WWOX: variants seen among roughly 807,000 people sequenced by gnomAD.
WWOX encodes WW domain-containing oxidoreductase.
WWOX carries 69 observed loss-of-function variants against 46.2 expected under a neutral mutation model. The observed-to-expected ratio is 1.49, with a 90% CI of 1.23 to 1.82. The LOEUF (loss-of-function observed/expected upper bound fraction) is 1.82. Ranked by LOEUF, WWOX falls within the 40% of genes most tolerant of loss-of-function variation. The pLI, the probability that WWOX is intolerant of heterozygous loss-of-function variation, is 0.00. For synonymous variants in WWOX, 359 were observed against 202.6 expected, an observed-to-expected ratio of 1.77 and a Z score of -6.56; for missense variants, 919 against 542.6, an observed-to-expected ratio of 1.69 and a Z score of -6.89.
chr16:78,424,974 T>A lies in WWOX; in HGVS notation c.710T>A (p.Phe237Tyr), dbSNP rs1694802131. 6.2e-7 allele frequency: 1 copy of A among 1,614,054 alleles called. No homozygotes were observed. The highest frequency in any genetic ancestry group is 1.7e-5 in the Admixed American group (1 of 60,000). Residue 237 changes from phenylalanine to tyrosine, a missense_variant, in exon 7 of 9, where the codon TTC (phenylalanine) becomes TAC (tyrosine). By Grantham distance (22) the Phe-to-Tyr change is conservative. Transcript: ENST00000566780. ...TTFQVNHLGHFYLVQLLQDVL... is the reference protein window; with the variant it reads ...TTFQVNHLGHYYLVQLLQDVL... The stretch of plus-strand genomic sequence containing the variant: ...TTTCAAGTGAATCATCTGGGGCACT[T>A]CTACCTTGTCCAGCTCCTCCAGGAT...
In WWOX at chr16:78,878,914, A is replaced by AAG. The variant is rs1555556834; in HGVS notation, c.1057-332693_1057-332692insGA. Among the ~76,000 whole-genome samples the AAG allele has an allele frequency of 1.0e-3, 146 of 145,878 alleles. 1 individual carries two copies. Among genetic ancestry groups the AAG allele is most frequent in the South Asian group, 3.0e-3 (14 of 4,594 alleles). The stretch of plus-strand genomic sequence containing the variant: ...CTACAAAAAAATGAAAAAAAAAAAA[A>AAG]AAAAAAGCCTGTCATAGTGGTACAT... On this transcript the variant is annotated intron_variant, in intron 8 of 8. Coordinates refer to ENST00000566780, the MANE Select transcript of WWOX (RefSeq NM_016373.4).
intron 8 of WWOX, among the ~76,000 whole-genome samples, chr16:79,088,070 C>T (rs1481137099): frequency 6.6e-6 from 1 of 152,236 alleles, no homozygotes; most frequent in East Asian, 1.9e-4. Flanking sequence ...TCTTTGAGCC[C>T]TCTGTATAGT....
intron 8 of WWOX, among the ~76,000 whole-genome samples, chr16:79,052,127 G>C (rs1162798046): frequency 2.0e-5 from 3 of 151,334 alleles, no homozygotes; most frequent in Non-Finnish European, 2.9e-5. Flanking sequence ...CCATGCTGGT[G>C]CGCTGCACCC....
intron 5 of WWOX, among the ~76,000 whole-genome samples, chr16:78,328,048 A>G (rs902241531): frequency 2.6e-5 from 4 of 151,774 alleles, no homozygotes; most frequent in African/African-American, 9.7e-5. Flanking sequence ...GCTAATTTGT[A>G]TTTTTAGTAG....
chr16:78,731,517 C>T (rs1296491289), intron 8 of WWOX, among the ~76,000 whole-genome samples: 1 of 152,106 alleles, frequency 6.6e-6, no homozygotes, highest in Non-Finnish European at 1.5e-5. Flanking sequence ...TTGTTAATTC[C>T]TTTTTCCTTT....
chr16:78,116,517 C>T (rs2032798377), intron 4 of WWOX, among the ~76,000 whole-genome samples: 1 of 152,102 alleles, frequency 6.6e-6, no homozygotes, highest in Non-Finnish European at 1.5e-5. Context: ...TATTTCAAAT[C>T]AACTCTCATA....
chr16:78,949,881 A>G (rs1456593451), intron 8 of WWOX, among the ~76,000 whole-genome samples: 1 of 152,216 alleles, frequency 6.6e-6, no homozygotes, highest in African/African-American at 2.4e-5. Flanking sequence ...TCTCAGCCCT[A>G]CTTTCTTAAT....
At chr16:78,283,774 A>C (rs1403325136) in intron 5 of WWOX, among the ~76,000 whole-genome samples, 2 of 152,112 alleles carry the variant, frequency 1.3e-5, no homozygotes, top group African/African-American at 2.4e-5. Context: ...CAGTGGGTTG[A>C]GCTAAATTCA....
chr16:78,260,856 G>A (rs866613465), intron 5 of WWOX, among the ~76,000 whole-genome samples: 2 of 145,050 alleles, frequency 1.4e-5, no homozygotes, highest in East Asian at 2.0e-4. Flanking sequence ...AGAATCACTC[G>A]AACCCGGGAG....
chr16:78,724,501 G>A (rs1304213058), intron 8 of WWOX, among the ~76,000 whole-genome samples: 1 of 152,056 alleles, frequency 6.6e-6, no homozygotes, highest in Non-Finnish European at 1.5e-5. Flanking sequence ...TACGGTTACT[G>A]ATATTATTAT....
chr16:78,222,832 C>T (rs1043803659), intron 5 of WWOX, among the ~76,000 whole-genome samples: 1 of 152,174 alleles, frequency 6.6e-6, no homozygotes, highest in Admixed American at 6.5e-5. Flanking sequence ...AAGTGACACG[C>T]GCTCCAGATA....
intron 8 of WWOX, among the ~76,000 whole-genome samples, chr16:79,068,036 C>T (rs1179621238): frequency 6.6e-6 from 1 of 151,982 alleles, no homozygotes; most frequent in Non-Finnish European, 1.5e-5. Context: ...TTTGCCTTGG[C>T]CATGGTCAGT....
At chr16:78,690,259 A>G (rs960152171) in intron 8 of WWOX, among the ~76,000 whole-genome samples, 1 of 152,068 alleles carries the variant, frequency 6.6e-6, no homozygotes, top group East Asian at 1.9e-4. Context: ...ACACATAAAT[A>G]ATGTTTGTTG....
intron 8 of WWOX, among the ~76,000 whole-genome samples, chr16:78,786,315 G>A (rs1057320323): frequency 1.3e-5 from 2 of 152,132 alleles, no homozygotes; most frequent in Non-Finnish European, 2.9e-5. Flanking sequence ...GTAAATAGTG[G>A]TACCCTGAGC....
chr16:79,025,803 G>T (rs12927928), intron 8 of WWOX, among the ~76,000 whole-genome samples: 2 of 26,078 alleles, frequency 7.7e-5, no homozygotes, highest in Non-Finnish European at 8.0e-5. Flanking sequence ...TTGCTTGCTT[G>T]CTTTTTTTTT....
intron 8 of WWOX, among the ~76,000 whole-genome samples, chr16:79,133,448 C>T (rs1338646980): frequency 1.3e-5 from 2 of 152,184 alleles, no homozygotes; most frequent in Non-Finnish European, 2.9e-5. Flanking sequence ...GTAAGAAATC[C>T]TTACACAGAA....
intron 5 of WWOX, among the ~76,000 whole-genome samples, chr16:78,314,156 C>T (rs1334311801): frequency 6.6e-6 from 1 of 152,020 alleles, no homozygotes. Flanking sequence ...CCTGGAATCC[C>T]AGCACTTTGG....
At chr16:79,021,475 A>G (rs1348642775) in intron 8 of WWOX, among the ~76,000 whole-genome samples, 1 of 152,186 alleles carries the variant, frequency 6.6e-6, no homozygotes, top group Non-Finnish European at 1.5e-5. Flanking sequence ...TACAGTTGTC[A>G]AAATATTAAC....
intron 8 of WWOX, among the ~76,000 whole-genome samples, chr16:78,471,402 G>C (rs1213535223): frequency 3.9e-5 from 6 of 152,224 alleles, no homozygotes; most frequent in Non-Finnish European, 8.8e-5. Context: ...TGCTAATTAA[G>C]TTTTGCTTCA....
Sources: allele counts gnomAD v4.1 joint callset (sites outside exome capture counted in the v4.1 genomes callset), GRCh38; gene constraint gnomAD v4.1.1; transcripts MANE v1.5; gene names NCBI Gene and HGNC (gene_info 2026-07-23, HGNC 2026-07-21).